PTPRQ: variants seen among roughly 807,000 people sequenced by gnomAD.
PTPRQ encodes protein tyrosine phosphatase receptor type Q.
A neutral mutation model predicts 246.0 loss-of-function variants in PTPRQ; 199 were observed. That is an observed-to-expected ratio of 0.81 (90% CI 0.72 to 0.91). The LOEUF is 0.91. Ranked by LOEUF, PTPRQ falls within the 40% of genes least tolerant of loss-of-function variation. The pLI is 0.00. For missense variants in PTPRQ, 2,624 were observed against 2,528.4 expected (o/e 1.04, Z -0.81); for synonymous variants, 869 against 853.2 (o/e 1.02, Z -0.32).
At chr12:80,627,034 G>A (rs1006371054) in intron 33 of PTPRQ, among the ~76,000 whole-genome samples, 2 of 151,860 alleles carry the variant, frequency 1.3e-5, no homozygotes, top group East Asian at 1.9e-4. Flanking sequence ...TCCCAATGGG[G>A]TGTTTTAATC....
intron 27 of PTPRQ, 51 bp downstream of exon 27, chr12:80,605,231 A>G (rs1898273726): frequency 1.3e-6 from 2 of 1,519,992 alleles, no homozygotes; most frequent in Admixed American, 2.1e-5. Context: ...GGTTAATAAT[A>G]CAAGATTTGG....
chr12:80,558,467 CTTTTTTTTTT>C (rs57046212), intron 25 of PTPRQ, among the ~76,000 whole-genome samples: 1 of 122,910 alleles, frequency 8.1e-6, no homozygotes, highest in Non-Finnish European at 1.7e-5. Context: ...TGCACCTGGC[CTTTTTTTTTT>C]TTTTTTTTTC....
chr12:80,612,989 G>A (rs1898611564), intron 28 of PTPRQ, among the ~76,000 whole-genome samples: 2 of 150,576 alleles, frequency 1.3e-5, no homozygotes, highest in Non-Finnish European at 3.0e-5. Context: ...AAATAAAAGA[G>A]GATACTAGGA....
intron 26 of PTPRQ, among the ~76,000 whole-genome samples, chr12:80,602,106 A>G (rs1241584030): frequency 6.6e-6 from 1 of 151,670 alleles, no homozygotes; most frequent in South Asian, 2.1e-4. Flanking sequence ...CGGGGTGTCA[A>G]TGTTCAGATT....
At chr12:80,505,862 A>G (rs905306356) in intron 14 of PTPRQ, among the ~76,000 whole-genome samples, 162 bp from the exon 15 acceptor site, 3 of 151,912 alleles carry the variant, frequency 2.0e-5, no homozygotes, top group Non-Finnish European at 4.4e-5. Flanking sequence ...AGTTGTAAGA[A>G]CTGTAATTTA....
At chr12:80,616,687 A>G (rs2121119775) in intron 30 of PTPRQ, among the ~76,000 whole-genome samples, 1 of 151,278 alleles carries the variant, frequency 6.6e-6, no homozygotes, top group Non-Finnish European at 1.5e-5. Flanking sequence ...AGTTAATTAA[A>G]TAGTGTTTTT....
chr12:80,505,420 G>A (rs1006171452), intron 14 of PTPRQ, among the ~76,000 whole-genome samples: 11 of 151,850 alleles, frequency 7.2e-5, no homozygotes, highest in South Asian at 2.1e-4. Context: ...ATATTTTACC[G>A]GAATTAGAAT....
At chr12:80,673,354 T>C in intron 43 of PTPRQ, 50 bp downstream of exon 43, 2 of 1,518,136 alleles carry the variant, frequency 1.3e-6, no homozygotes, top group Non-Finnish European at 1.8e-6. Context: ...AATTTCCACA[T>C]GGGAGATCTT....
chr12:80,665,913 G>C (rs1918956), intron 39 of PTPRQ, among the ~76,000 whole-genome samples: 31,433 of 151,850 alleles, frequency 0.21, 5,287 homozygotes, highest in African/African-American at 0.46. Context: ...TCCCCATTTA[G>C]AATGGTTATT....
At chr12:80,540,765 G>A (rs1482245995) in intron 20 of PTPRQ, among the ~76,000 whole-genome samples, 1 of 151,986 alleles carries the variant, frequency 6.6e-6, no homozygotes, top group Non-Finnish European at 1.5e-5. Flanking sequence ...TATGTATTTG[G>A]GGAGTCTTTA....
At position 80,642,933 on chromosome 12, in the gene PTPRQ, A is replaced by AACAAAC. The variant is rs1670592543; in HGVS notation, c.5916-5963_5916-5962insCAAACA. Among the ~76,000 whole-genome samples the AACAAAC allele has an allele frequency of 5.5e-5, 8 of 144,320 alleles. 1 individual carries two copies. Among genetic ancestry groups the AACAAAC allele is most frequent in the African/African-American group, 2.2e-4 (8 of 36,532 alleles). 94.7% of individuals were successfully genotyped at this position (144,320 alleles called of 152,430 possible). On this transcript the variant is annotated intron_variant, in intron 35 of 44. Transcript: ENST00000644991. Reference sequence around the variant, plus strand: ...AGACTCCGTCTTAAAAAAAAAAAAAAAAAAAAAAAAAAACAATTGAGTATC... The same window carrying AACAAAC: ...AGACTCCGTCTTAAAAAAAAAAAAAAACAAACAAAAAAAAAAAAACAATTGAGTATC...
intron 39 of PTPRQ, among the ~76,000 whole-genome samples, chr12:80,659,774 A>G (rs1900566780): frequency 1.3e-5 from 2 of 152,062 alleles, no homozygotes; most frequent in African/African-American, 4.8e-5. Flanking sequence ...AATATAATAA[A>G]TCTTACAACA....
intron 25 of PTPRQ, among the ~76,000 whole-genome samples, chr12:80,582,323 C>A (rs1897467207): frequency 6.6e-6 from 1 of 152,100 alleles, no homozygotes; most frequent in Non-Finnish European, 1.5e-5. Context: ...ATAGACATTG[C>A]CTTTTACTCT....
chr12:80,496,480 G>A lies in PTPRQ; in HGVS notation c.2221G>A (p.Gly741Ser). ...NISVRSYTRFGHGNQVSSLLS... is the reference protein window; with the variant it reads ...NISVRSYTRFSHGNQVSSLLS... ...TTCTGTAAGGTCTTACACCAGATTT[G>A]GTCATGGCAATCAGGTATCTTCTTT... Residue 741 changes from glycine to serine, a missense_variant, in exon 14 of 45, where the codon GGT becomes AGT. Coordinates refer to ENST00000644991, the MANE Select transcript of PTPRQ (RefSeq NM_001145026.2). The A allele has an allele frequency of 6.5e-7, 1 of 1,550,296 alleles. No homozygotes were observed. Among genetic ancestry groups the A allele is most frequent in the Non-Finnish European group, 8.7e-7 (1 of 1,146,328 alleles).
At chr12:80,631,966 TG>T (rs1265318739) in intron 33 of PTPRQ, among the ~76,000 whole-genome samples, 1 of 152,154 alleles carries the variant, frequency 6.6e-6, no homozygotes, top group Non-Finnish European at 1.5e-5. Context: ...TGAGGCTAGA[TG>T]GGCTCACACT....
At chr12:80,457,330 C>T (rs1262170363) in intron 3 of PTPRQ, among the ~76,000 whole-genome samples, 1 of 152,018 alleles carries the variant, frequency 6.6e-6, no homozygotes, top group Non-Finnish European at 1.5e-5. Context: ...ACCATTTATT[C>T]CTGTGTGACC....
intron 6 of PTPRQ, among the ~76,000 whole-genome samples, chr12:80,461,382 A>G (rs1160688114): frequency 2.0e-5 from 3 of 152,170 alleles, no homozygotes; most frequent in Non-Finnish European, 1.5e-5. Flanking sequence ...TCTGAAAAAT[A>G]GAGACAGTAA....
intron 19 of PTPRQ, among the ~76,000 whole-genome samples, chr12:80,538,168 C>T (rs2120825297): frequency 6.6e-6 from 1 of 152,226 alleles, no homozygotes; most frequent in South Asian, 2.1e-4. Flanking sequence ...AAAAGTTTTA[C>T]TAAATACCTT....
At chr12:80,585,565 G>A (rs1897584726) in intron 25 of PTPRQ, among the ~76,000 whole-genome samples, 1 of 152,088 alleles carries the variant, frequency 6.6e-6, no homozygotes, top group Non-Finnish European at 1.5e-5. Context: ...GTCCTCTAGT[G>A]TCATGTACTG....
Sources: allele counts gnomAD v4.1 joint callset (sites outside exome capture counted in the v4.1 genomes callset), GRCh38; gene constraint gnomAD v4.1.1; transcripts MANE v1.5; gene names NCBI Gene and HGNC (gene_info 2026-07-23, HGNC 2026-07-21).